The following BIRC6 variants were observed in gnomAD, a reference collection of about 807,000 sequenced individuals.
BIRC6 encodes baculoviral IAP repeat containing 6.
Under a neutral mutation model 503.3 loss-of-function variants are expected in BIRC6, and 98 were observed. The observed-to-expected ratio is 0.19, with a 90% CI of 0.17 to 0.23. The LOEUF is 0.23. BIRC6 is among the 10% of genes least tolerant of loss of function. The pLI, the probability that BIRC6 is intolerant of heterozygous loss-of-function variation, is 1.00. For missense variants in BIRC6, 5,360 were observed against 5,806.0 expected (o/e 0.92, Z 2.50); for synonymous variants, 2,240 against 2,078.7 (o/e 1.08, Z -2.11).
At chr2:32,483,404 A>G (rs1347649557) in intron 39 of BIRC6, among the ~76,000 whole-genome samples, 1 of 152,180 alleles carries the variant, frequency 6.6e-6, no homozygotes, top group East Asian at 1.9e-4. Flanking sequence ...ACCATTTGAG[A>G]GTACGTTGGT....
At chr2:32,408,457 A>G (rs189528454) in intron 9 of BIRC6, among the ~76,000 whole-genome samples, 1 of 152,226 alleles carries the variant, frequency 6.6e-6, no homozygotes, top group East Asian at 1.9e-4. Context: ...TTGTTAAATT[A>G]CTTAAACTGT....
intron 19 of BIRC6, 105 bp from the exon 20 acceptor site, chr2:32,443,386 G>A (rs975573900): frequency 2.1e-5 from 14 of 675,212 alleles, no homozygotes; most frequent in East Asian, 2.9e-5. Flanking sequence ...TCTTTTAATC[G>A]GTATAGAATA....
chr2:32,409,373 C>G (rs1339555661), intron 9 of BIRC6, among the ~76,000 whole-genome samples: 1 of 152,148 alleles, frequency 6.6e-6, no homozygotes, highest in Non-Finnish European at 1.5e-5. Flanking sequence ...CCAGGCTGGT[C>G]TTGAACTCCT....
chr2:32,410,188 T>C (rs1198639479), intron 9 of BIRC6, among the ~76,000 whole-genome samples: 1 of 152,206 alleles, frequency 6.6e-6, no homozygotes, highest in East Asian at 1.9e-4. Flanking sequence ...TTTGTCAGTT[T>C]AGTCCAGTTG....
At chr2:32,438,412 C>T (rs867253539) in intron 15 of BIRC6, among the ~76,000 whole-genome samples, 2 of 152,140 alleles carry the variant, frequency 1.3e-5, no homozygotes, top group Middle Eastern at 3.4e-3. Context: ...AGATTTAATA[C>T]CTGGTAATGC....
intron 9 of BIRC6, among the ~76,000 whole-genome samples, chr2:32,408,802 A>C (rs1253350537): frequency 6.6e-6 from 1 of 152,228 alleles, no homozygotes; most frequent in African/African-American, 2.4e-5. Flanking sequence ...TTATGTATTA[A>C]ACAGTAGCTG....
At chr2:32,543,798 A>G (rs1032487579) in intron 62 of BIRC6, among the ~76,000 whole-genome samples, 2 of 152,200 alleles carry the variant, frequency 1.3e-5, no homozygotes, top group Non-Finnish European at 2.9e-5. Flanking sequence ...TGTAAACATG[A>G]AGCAGTTATT....
intron 70 of BIRC6, 129 bp downstream of exon 70, chr2:32,600,029 A>G (rs1162336057): frequency 9.7e-6 from 8 of 822,602 alleles, no homozygotes; most frequent in African/African-American, 1.7e-5. Flanking sequence ...TCTCTTCCCT[A>G]CGTCCAGATT....
At chr2:32,413,260 A>G (rs1484238291) in intron 9 of BIRC6, among the ~76,000 whole-genome samples, 1 of 149,368 alleles carries the variant, frequency 6.7e-6, no homozygotes, top group Admixed American at 6.8e-5. Context: ...GGCTCACCAC[A>G]ACCTCCGCCT....
intron 1 of BIRC6, among the ~76,000 whole-genome samples, chr2:32,362,069 T>C (rs2034178870): frequency 1.3e-5 from 2 of 152,314 alleles, no homozygotes; most frequent in African/African-American, 4.8e-5. Context: ...AATTGCTGGG[T>C]TGCATGTGAG....
intron 12 of BIRC6, 52 bp downstream of exon 12, chr2:32,431,142 C>A: frequency 3.4e-6 from 3 of 877,630 alleles, no homozygotes; most frequent in South Asian, 1.4e-5. Context: ...GTGTATTTGT[C>A]AGAGACAACG....
At chr2:32,460,257 TA>T (rs2047704827) in intron 23 of BIRC6, among the ~76,000 whole-genome samples, 1 of 30,110 alleles carries the variant, frequency 3.3e-5, no homozygotes, top group Non-Finnish European at 6.7e-5. Context: ...TATATATATA[TA>T]TATATATATA....
intron 21 of BIRC6, among the ~76,000 whole-genome samples, chr2:32,445,871 T>A (rs1366459825): frequency 6.6e-6 from 1 of 152,066 alleles, no homozygotes; most frequent in Non-Finnish European, 1.5e-5. Context: ...TTTTTTTTTT[T>A]ATCGAGATGG....
intron 66 of BIRC6, among the ~76,000 whole-genome samples, chr2:32,591,296 A>G (rs73922760): frequency 0.05 from 7,587 of 152,218 alleles, 349 homozygotes; most frequent in African/African-American, 0.13. Flanking sequence ...CACACATTTG[A>G]TGTAAAGAAT....
chr2:32,551,074 C>T (rs1367327769), intron 65 of BIRC6, among the ~76,000 whole-genome samples: 1 of 151,714 alleles, frequency 6.6e-6, no homozygotes, highest in African/African-American at 2.4e-5. Context: ...GAGATAATAC[C>T]TTATATTAAG....
rs575101201 is a variant in BIRC6, at chr2:32,582,334, A to C, written c.13355+6968A>C. 1.2e-4 allele frequency among the ~76,000 whole-genome samples: 18 copies of C among 152,252 alleles called. 1 individual carries two copies. In the South Asian group the frequency reaches 3.7e-3, roughly 32 times the overall value. On this transcript the variant is annotated intron_variant, in intron 66 of 73. Transcript: ENST00000421745. ...CAAGACCAGCCTGGGCAACATGGTA[A>C]GTAAAACCCTGATATATTAGTTGAG... is the stretch of plus-strand genomic sequence containing the variant.
At chr2:32,542,839 G>T (rs115099348) in intron 61 of BIRC6, among the ~76,000 whole-genome samples, 2,501 of 152,190 alleles carry the variant, frequency 0.016, 52 homozygotes, top group African/African-American at 0.058. Context: ...TAGTTTTGTT[G>T]CCCAGGCTGG....
chr2:32,460,998 C>CTTCTCT lies in BIRC6; in HGVS notation c.4754-2195_4754-2194insTCTCTT, dbSNP rs1558788701. Among the ~76,000 whole-genome samples, 503 of 88,728 alleles carry CTTCTCT rather than the reference C, an allele frequency of 5.7e-3. 8 individuals are homozygous for CTTCTCT. The highest frequency in any genetic ancestry group is 8.3e-3 in the Non-Finnish European group (358 of 43,078). The allele number at this position is 88,728 out of a possible 152,430, so 58.2% of individuals were successfully genotyped here. On this transcript the variant is annotated intron_variant, in intron 23 of 73. Transcript: ENST00000421745. ...GATGCAATTGCTCTGCTCTGCTCTG[C>CTTCTCT]TCTCTTCTCTTCTCTTCTCTTCTCT...
intron 8 of BIRC6, among the ~76,000 whole-genome samples, chr2:32,406,114 A>T (rs1407267584): frequency 6.6e-6 from 1 of 152,184 alleles, no homozygotes; most frequent in Admixed American, 6.5e-5. Flanking sequence ...CTTTCAGGCC[A>T]GGCATAGTGG....
Sources: gnomAD v4.1 joint callset for allele counts (sites outside exome capture counted in the v4.1 genomes callset) on GRCh38, gnomAD v4.1.1 for gene constraint, MANE v1.5 for transcripts, NCBI Gene and HGNC (gene_info 2026-07-23, HGNC 2026-07-21) for gene names.